The following C1QTNF3 variants were observed in gnomAD, a reference collection of about 807,000 sequenced individuals.
C1QTNF3 encodes complement C1q tumor necrosis factor-related protein 3.
C1QTNF3 carries 26 observed loss-of-function variants against 32.6 expected under a neutral mutation model. The ratio of observed to expected loss-of-function variants is 0.80; its 90% CI spans 0.58 to 1.11. The LOEUF (loss-of-function observed/expected upper bound fraction) is 1.11. Among genes scored for constraint, C1QTNF3 ranks in the 50% least tolerant of loss-of-function variants. The probability of loss-of-function intolerance (pLI) is 0.00; values close to 1 mark genes in which losing one functional copy is unlikely to be tolerated. For missense variants in C1QTNF3, 362 were observed against 398.2 expected, an observed-to-expected ratio of 0.91 and a Z score of 0.77; for synonymous variants, 155 against 146.0, an observed-to-expected ratio of 1.06 and a Z score of -0.44.
chr5:34,119,850 C>T, the C1QTNF3 span, among the ~76,000 whole-genome samples: 1 of 152,140 alleles, frequency 6.6e-6, no homozygotes, highest in Non-Finnish European at 1.5e-5. Context: ...CCCAGATAAT[C>T]CAGTATAATC....
chr5:34,159,032 G>A, the C1QTNF3 span, among the ~76,000 whole-genome samples: 1 of 151,814 alleles, frequency 6.6e-6, no homozygotes, highest in African/African-American at 2.4e-5. Flanking sequence ...TTTATCAGTC[G>A]CATTTTCACA....
At chr5:34,073,416 G>C in the C1QTNF3 span, among the ~76,000 whole-genome samples, 2 of 152,016 alleles carry the variant, frequency 1.3e-5, no homozygotes, top group African/African-American at 4.8e-5. Context: ...ATAAATTTTG[G>C]GTTAAACAGC....
At chr5:34,031,232 G>T (rs1010239125) in intron 3 of C1QTNF3, among the ~76,000 whole-genome samples, 2 of 152,054 alleles carry the variant, frequency 1.3e-5, no homozygotes, top group African/African-American at 4.8e-5. Flanking sequence ...TAATTTGCTG[G>T]GACCTTCAAA....
At chr5:34,171,308 T>A in the C1QTNF3 span, among the ~76,000 whole-genome samples, 1 of 151,822 alleles carries the variant, frequency 6.6e-6, no homozygotes, top group East Asian at 1.9e-4. Context: ...CAGAGCTTTC[T>A]GTAAGTTATT....
At chr5:34,085,486 T>C in the C1QTNF3 span, among the ~76,000 whole-genome samples, 2 of 151,450 alleles carry the variant, frequency 1.3e-5, no homozygotes, top group Non-Finnish European at 2.9e-5. Context: ...TGTTATTTCC[T>C]AGGCCTCTGT....
At chr5:34,090,628 G>C in the C1QTNF3 span, among the ~76,000 whole-genome samples, 1 of 152,156 alleles carries the variant, frequency 6.6e-6, no homozygotes, top group Non-Finnish European at 1.5e-5. Flanking sequence ...TTTATCTGTT[G>C]AAACCTTATC....
the C1QTNF3 span, among the ~76,000 whole-genome samples, chr5:34,145,678 C>CAAAAAA: frequency 1.0e-5 from 1 of 96,904 alleles, no homozygotes; most frequent in Non-Finnish European, 2.1e-5. Context: ...AGAGACACAG[C>CAAAAAA]AAAAAAAAAA....
chr5:34,205,595 C>T, the C1QTNF3 span, among the ~76,000 whole-genome samples: 1 of 152,028 alleles, frequency 6.6e-6, no homozygotes, highest in Non-Finnish European at 1.5e-5. Context: ...TGTATGTTTT[C>T]TGAGGCTTCC....
At chr5:34,087,936 A>G in the C1QTNF3 span, among the ~76,000 whole-genome samples, 1 of 152,250 alleles carries the variant, frequency 6.6e-6, no homozygotes, top group African/African-American at 2.4e-5. Flanking sequence ...TTCCTGTAAT[A>G]TGAAACCAAT....
the C1QTNF3 span, among the ~76,000 whole-genome samples, chr5:34,195,479 T>C: frequency 6.6e-6 from 1 of 151,380 alleles, no homozygotes; most frequent in African/African-American, 2.4e-5. Flanking sequence ...CTATCAGATT[T>C]ACATCAACAA....
chr5:34,040,388 C>T (rs1338590520), intron 1 of C1QTNF3, among the ~76,000 whole-genome samples: 1 of 151,536 alleles, frequency 6.6e-6, no homozygotes, highest in East Asian at 1.9e-4. Flanking sequence ...TTTTTTAAAC[C>T]TCCTGCCCCA....
At chr5:34,147,693 T>A in the C1QTNF3 span, among the ~76,000 whole-genome samples, 3 of 151,780 alleles carry the variant, frequency 2.0e-5, no homozygotes, top group African/African-American at 7.3e-5. Context: ...GTGGTGTGAA[T>A]TGAAAAACTA....
the C1QTNF3 span, chr5:34,218,235 T>C: frequency 2.0e-5 from 3 of 152,410 alleles, no homozygotes; most frequent in South Asian, 6.2e-4. Flanking sequence ...TTAGAATCAA[T>C]AGAATCATAG....
chr5:34,028,911 T>C, intron 3 of C1QTNF3, 28 bp from the exon 4 acceptor site: 2 of 1,597,248 alleles, frequency 1.3e-6, no homozygotes, highest in Non-Finnish European at 1.7e-6. Flanking sequence ...GGTCAATAAA[T>C]AGGCAATTTA....
At chr5:34,052,462 A>T in the C1QTNF3 span, among the ~76,000 whole-genome samples, 2 of 152,358 alleles carry the variant, frequency 1.3e-5, no homozygotes, top group East Asian at 3.9e-4. Context: ...GATGGCAATA[A>T]ATATCTGCTA....
At chr5:34,221,600 T>C in the C1QTNF3 span, among the ~76,000 whole-genome samples, 8 of 152,208 alleles carry the variant, frequency 5.3e-5, no homozygotes, top group East Asian at 1.5e-3. Flanking sequence ...CAAGTACCTT[T>C]CACTATAAAA....
chr5:34,127,169 G>A, the C1QTNF3 span, among the ~76,000 whole-genome samples: 79,831 of 151,012 alleles, frequency 0.53, 22,444 homozygotes, highest in Non-Finnish European at 0.62. Flanking sequence ...AATACAGAAA[G>A]CTGGTACCGG....
At chr5:34,171,562 C>T in the C1QTNF3 span, among the ~76,000 whole-genome samples, 1 of 152,208 alleles carries the variant, frequency 6.6e-6, no homozygotes, top group South Asian at 2.1e-4. Flanking sequence ...AAAACCAATT[C>T]AGTCTCTATA....
the C1QTNF3 span, among the ~76,000 whole-genome samples, chr5:34,242,570 C>G: frequency 6.6e-6 from 1 of 151,416 alleles, no homozygotes. Context: ...AAAACAAAAC[C>G]TAGGAAATAT....
Sources: gnomAD v4.1 joint callset for allele counts (sites outside exome capture counted in the v4.1 genomes callset) on GRCh38, gnomAD v4.1.1 for gene constraint, MANE v1.5 for transcripts, NCBI Gene and HGNC (gene_info 2026-07-23, HGNC 2026-07-21) for gene names.